The following MYO3B variants were observed in gnomAD, a reference collection of about 807,000 sequenced individuals.
The protein encoded by MYO3B is myosin IIIB.
A neutral mutation model predicts 174.6 loss-of-function variants in MYO3B; 156 were observed. That is an observed-to-expected ratio of 0.89 (90% CI 0.78 to 1.02). The LOEUF (loss-of-function observed/expected upper bound fraction) is 1.02. Among genes scored for constraint, MYO3B ranks in the 50% least tolerant of loss-of-function variants. The pLI is 0.00. For synonymous variants in MYO3B, 563 were observed against 569.1 expected, an observed-to-expected ratio of 0.99 and a Z score of 0.15; for missense variants, 1,632 against 1,639.4, an observed-to-expected ratio of 1.00 and a Z score of 0.08.
chr2:170,436,032 GTCTTT>G (rs1214350483), intron 22 of MYO3B, among the ~76,000 whole-genome samples: 1 of 152,168 alleles, frequency 6.6e-6, no homozygotes, highest in South Asian at 2.1e-4. Context: ...GACCACTTGT[GTCTTT>G]TCTTTTAAGT....
At chr2:170,598,364 C>T (rs1297667806) in intron 32 of MYO3B, among the ~76,000 whole-genome samples, 1 of 152,186 alleles carries the variant, frequency 6.6e-6, no homozygotes, top group African/African-American at 2.4e-5. Context: ...ATGCACAGTG[C>T]TTGGCACCAT....
chr2:170,311,746 T>C (rs1194810910), intron 7 of MYO3B, among the ~76,000 whole-genome samples: 4 of 152,178 alleles, frequency 2.6e-5, no homozygotes, highest in Admixed American at 2.6e-4. Flanking sequence ...TTATTTCTTA[T>C]ATTTAGGTTG....
chr2:170,512,554 C>A (rs1688046824), intron 28 of MYO3B, among the ~76,000 whole-genome samples: 1 of 152,160 alleles, frequency 6.6e-6, no homozygotes, highest in African/African-American at 2.4e-5. Flanking sequence ...AACCAGGAAA[C>A]CTACCAGGAC....
intron 32 of MYO3B, among the ~76,000 whole-genome samples, chr2:170,621,791 G>A (rs141276186): frequency 1.3e-5 from 2 of 152,072 alleles, no homozygotes; most frequent in South Asian, 2.1e-4. Context: ...GGGCCACCGT[G>A]AGCCACCAGG....
At position 170,503,652 on chromosome 2, in the gene MYO3B, CTT is replaced by C. The variant is rs34293935; in HGVS notation, c.3370+1798_3370+1799del. ...AACACATTTCTTTAAGGGTGCCGTCCTTTTTTTTTTTTAGCCTTGCAAGCACC... is the reference window on the plus strand; with the variant it reads ...AACACATTTCTTTAAGGGTGCCGTCCTTTTTTTTTTAGCCTTGCAAGCACC... On this transcript the variant is annotated intron_variant, in intron 28 of 34. Transcript: ENST00000408978. Among the ~76,000 whole-genome samples, 1,178 of 147,018 alleles carry C rather than the reference CTT, an allele frequency of 8.0e-3. 79 individuals are homozygous for C. The highest frequency in any genetic ancestry group is 0.025 in the African/African-American group (987 of 39,342).
At chr2:170,302,841 GGAT>G (rs1262788074) in intron 7 of MYO3B, among the ~76,000 whole-genome samples, 6 of 152,358 alleles carry the variant, frequency 3.9e-5, no homozygotes, top group Admixed American at 1.3e-4. Context: ...TATGAGGCAA[GGAT>G]GCAGGCAGTT....
rs1553501720 is a variant in MYO3B, at chr2:170,467,830, A to AAG, written c.3014+1120_3014+1121dup. On this transcript the variant is annotated intron_variant, in intron 25 of 34. Transcript: ENST00000408978. Reference sequence around the variant, plus strand: ...AAAGATAAGGCAAAAAAAAAAAAAAAAGTTCCTTGCAATGAGAGCTTTTAA... The same window carrying AAG: ...AAAGATAAGGCAAAAAAAAAAAAAAAAGAGTTCCTTGCAATGAGAGCTTTTAA... Among the ~76,000 whole-genome samples the AAG allele has an allele frequency of 3.3e-5, 5 of 151,552 alleles. 1 individual carries two copies. The highest frequency in any genetic ancestry group is 4.2e-4 in the South Asian group (2 of 4,810).
intron 25 of MYO3B, among the ~76,000 whole-genome samples, chr2:170,470,019 T>G (rs1343267339): frequency 6.9e-6 from 1 of 145,580 alleles, no homozygotes; most frequent in East Asian, 2.0e-4. Context: ...GGAGAATCAC[T>G]TGAAACTGGG....
intron 25 of MYO3B, among the ~76,000 whole-genome samples, chr2:170,473,725 C>G (rs912784001): frequency 3.9e-5 from 6 of 151,992 alleles, no homozygotes; most frequent in Non-Finnish European, 1.5e-5. Flanking sequence ...TAACTTTAAA[C>G]AAATTTGCCT....
intron 30 of MYO3B, among the ~76,000 whole-genome samples, chr2:170,541,467 G>T (rs572294376): frequency 1.3e-5 from 2 of 152,132 alleles, no homozygotes; most frequent in South Asian, 4.1e-4. Context: ...TGATACCTGG[G>T]AAAATCTCTT....
intron 23 of MYO3B, among the ~76,000 whole-genome samples, chr2:170,459,741 G>A (rs1305262035): frequency 6.6e-6 from 1 of 152,184 alleles, no homozygotes; most frequent in Non-Finnish European, 1.5e-5. Flanking sequence ...GGGTGGGGGG[G>A]CTTGGGCATG....
At chr2:170,241,251 G>A (rs1462159207) in intron 7 of MYO3B, among the ~76,000 whole-genome samples, 1 of 152,082 alleles carries the variant, frequency 6.6e-6, no homozygotes, top group East Asian at 1.9e-4. Flanking sequence ...TTATTTAGGA[G>A]GAAGCAATAG....
At chr2:170,645,549 G>C (rs957896805) in intron 32 of MYO3B, among the ~76,000 whole-genome samples, 1 of 151,384 alleles carries the variant, frequency 6.6e-6, no homozygotes, top group Non-Finnish European at 1.5e-5. Flanking sequence ...AAACGAACTA[G>C]GTAACTATCC....
At chr2:170,431,731 A>G (rs904092697) in intron 22 of MYO3B, among the ~76,000 whole-genome samples, 6 of 152,204 alleles carry the variant, frequency 3.9e-5, no homozygotes, top group Non-Finnish European at 7.4e-5. Flanking sequence ...AAGAGAGTGA[A>G]TTTGTTATCT....
intron 1 of MYO3B, among the ~76,000 whole-genome samples, chr2:170,193,752 C>T (rs1450209488): frequency 6.6e-6 from 1 of 151,966 alleles, no homozygotes; most frequent in Non-Finnish European, 1.5e-5. Flanking sequence ...TTATCTATTG[C>T]CTACTTACTG....
At chr2:170,551,846 C>A (rs149869598) in intron 32 of MYO3B, among the ~76,000 whole-genome samples, 1 of 152,134 alleles carries the variant, frequency 6.6e-6, no homozygotes, top group East Asian at 1.9e-4. Flanking sequence ...GTGGGGATTT[C>A]CCCCTTGCTG....
At chr2:170,202,718 TC>T (rs1468518687) in intron 3 of MYO3B, among the ~76,000 whole-genome samples, 1 of 152,202 alleles carries the variant, frequency 6.6e-6, no homozygotes, top group Non-Finnish European at 1.5e-5. Context: ...ACAATGATGG[TC>T]CACATAGTAC....
intron 32 of MYO3B, among the ~76,000 whole-genome samples, chr2:170,627,866 A>G (rs1696593798): frequency 7.2e-6 from 1 of 138,390 alleles, no homozygotes; most frequent in African/African-American, 2.7e-5. Context: ...AGATCAGCGA[A>G]TATTGCTGAA....
intron 8 of MYO3B, among the ~76,000 whole-genome samples, chr2:170,336,613 T>G (rs996199879): frequency 5.3e-5 from 8 of 152,208 alleles, no homozygotes; most frequent in Non-Finnish European, 1.2e-4. Flanking sequence ...TAGTTGTTAT[T>G]CATCTTACTT....
Sources: allele counts gnomAD v4.1 joint callset (sites outside exome capture counted in the v4.1 genomes callset), GRCh38; gene constraint gnomAD v4.1.1; transcripts MANE v1.5; gene names NCBI Gene and HGNC (gene_info 2026-07-23, HGNC 2026-07-21).